SDK2: variants seen among roughly 807,000 people sequenced by gnomAD.
SDK2 encodes sidekick cell adhesion molecule 2, also known as protein sidekick-2.
Under a neutral mutation model 253.9 loss-of-function variants are expected in SDK2, and 105 were observed. That is an observed-to-expected ratio of 0.41 (90% CI 0.35 to 0.49). The LOEUF (loss-of-function observed/expected upper bound fraction) is 0.49, where lower values mean the gene tolerates loss of function less well. SDK2 is among the 20% of genes least tolerant of loss of function. The pLI is 0.06. For missense variants in SDK2, 2,608 were observed against 3,003.0 expected (o/e 0.87, Z 3.07); for synonymous variants, 1,249 against 1,234.9 (o/e 1.01, Z -0.24).
In SDK2 at chr17:73,406,541, C is replaced by T. The variant is rs904891380; in HGVS notation, c.2485-4400G>A. On this transcript the variant is annotated intron_variant, in intron 18 of 44. Coordinates refer to ENST00000392650, the MANE Select transcript of SDK2 (RefSeq NM_001144952.2). ...TTGGAATTACAGGCGTGAGCCACCG[C>T]GCCTGGCCTGTACTTGTTTATATTA... is the stretch of plus-strand genomic sequence containing the variant. Among the ~76,000 whole-genome samples, 6 of 151,862 alleles carry T rather than the reference C, an allele frequency of 4.0e-5. 1 individual carries two copies. The South Asian group carries it at 1.3e-3, about 32-fold the overall frequency.
chr17:73,390,182 A>G, intron 29 of SDK2, 105 bp downstream of exon 29: 5 of 970,552 alleles, frequency 5.2e-6, no homozygotes, highest in Middle Eastern at 2.8e-4. Flanking sequence ...ATTCTCATCC[A>G]GGGCACTGCA....
intron 12 of SDK2, among the ~76,000 whole-genome samples, chr17:73,426,809 G>C (rs184655752): frequency 6.6e-6 from 1 of 152,098 alleles, no homozygotes; most frequent in East Asian, 1.9e-4. Context: ...TATGGGGGCC[G>C]GGCGCGGTGG....
chr17:73,612,120 C>T lies in SDK2; in HGVS notation c.64+31905G>A, dbSNP rs1455321604. 6.6e-6 allele frequency among the ~76,000 whole-genome samples: 1 copy of T among 152,200 alleles called. No individual in the cohort carries two copies. Among genetic ancestry groups the T allele is most frequent in the Non-Finnish European group, 1.5e-5 (1 of 68,032 alleles). On this transcript the variant is annotated intron_variant, in intron 1 of 44. Coordinates refer to ENST00000392650, the MANE Select transcript of SDK2 (RefSeq NM_001144952.2). The surrounding 1 kb of genome is among the most constrained non-coding windows in gnomAD (Gnocchi z 4.4). The stretch of plus-strand genomic sequence containing the variant: ...TTAGTTTGCAAACGCATTGAGAACT[C>T]GTTATGAAAATAAACAGCAATTCCT...
At chr17:73,506,218 G>A (rs1439314581) in intron 2 of SDK2, among the ~76,000 whole-genome samples, 1 of 152,218 alleles carries the variant, frequency 6.6e-6, no homozygotes, top group Non-Finnish European at 1.5e-5. Flanking sequence ...TGGTGGCCAG[G>A]AGAGGCTCTG....
intron 1 of SDK2, among the ~76,000 whole-genome samples, chr17:73,600,968 C>T (rs2045829739): frequency 6.6e-6 from 1 of 152,058 alleles, no homozygotes; most frequent in Non-Finnish European, 1.5e-5. Flanking sequence ...AGAGAGGCCT[C>T]AGGGCCTTTG....
intron 4 of SDK2, among the ~76,000 whole-genome samples, chr17:73,449,254 G>A (rs920345862): frequency 3.9e-5 from 6 of 152,158 alleles, no homozygotes; most frequent in Admixed American, 2.0e-4. Context: ...GACAAACAAA[G>A]CCATTAGTTT....
intron 28 of SDK2, among the ~76,000 whole-genome samples, chr17:73,390,712 GTC>G (rs1210137142): frequency 6.6e-6 from 1 of 152,194 alleles, no homozygotes; most frequent in Non-Finnish European, 1.5e-5. Context: ...TATGCACAGT[GTC>G]TGTGACCCCC....
intron 2 of SDK2, among the ~76,000 whole-genome samples, chr17:73,507,007 C>T (rs187873250): frequency 6.6e-6 from 1 of 152,354 alleles, no homozygotes; most frequent in Admixed American, 6.5e-5. Flanking sequence ...GAAGATGTCC[C>T]CTCCTTCACT....
chr17:73,510,488 G>C (rs1021276943), intron 1 of SDK2, among the ~76,000 whole-genome samples: 6 of 152,090 alleles, frequency 3.9e-5, no homozygotes, highest in African/African-American at 1.4e-4. Context: ...CTCTACGTCT[G>C]TCTGACTGCT....
intron 1 of SDK2, among the ~76,000 whole-genome samples, chr17:73,569,248 A>G (rs1239086440): frequency 2.1e-5 from 3 of 144,146 alleles, no homozygotes; most frequent in African/African-American, 7.8e-5. Context: ...CCCAGGCTGG[A>G]GGGCAATGGC....
rs1348053596 is a variant in SDK2, at chr17:73,398,164, G to A, written c.3225C>T (p.Asn1075=). ...GACTGGGGGGGCTGGTGCCCACGATGTTCACCTGGCGCATGCGGAAGCTGG... is the reference window on the plus strand; with the variant it reads ...GACTGGGGGGGCTGGTGCCCACGATATTCACCTGGCGCATGCGGAAGCTGG... ...TCYSFRMRQV[N]IVGTSPPSQP... is the part of the protein sequence containing the mutation. The change falls in exon 24 of 45, where the codon AAC becomes AAT. Residue 1075 remains asparagine, a synonymous_variant. Coordinates refer to ENST00000392650, the MANE Select transcript of SDK2 (RefSeq NM_001144952.2). 1 of 1,613,292 alleles carries A rather than the reference G, an allele frequency of 6.2e-7. No homozygotes were observed. Among genetic ancestry groups the A allele is most frequent in the Admixed American group, 1.7e-5 (1 of 59,930 alleles).
intron 12 of SDK2, 92 bp downstream of exon 12, chr17:73,430,419 T>C: frequency 1.1e-6 from 1 of 951,816 alleles, no homozygotes; most frequent in Non-Finnish European, 1.6e-6. Context: ...TCTGCAGCTG[T>C]TACCTCCCTA....
chr17:73,590,005 C>T (rs150048202), intron 1 of SDK2, among the ~76,000 whole-genome samples: 12 of 152,364 alleles, frequency 7.9e-5, no homozygotes, highest in Admixed American at 2.0e-4. Context: ...CTCCTTCCCA[C>T]GGCCAGAGGG....
chr17:73,463,615 T>G (rs1404666048), intron 3 of SDK2, among the ~76,000 whole-genome samples: 3 of 152,160 alleles, frequency 2.0e-5, no homozygotes, highest in African/African-American at 7.2e-5. Flanking sequence ...TACCTAGAGA[T>G]GCAAACTTAC....
chr17:73,618,770 G>A lies in SDK2; in HGVS notation c.64+25255C>T, dbSNP rs1452520449. Among the ~76,000 whole-genome samples the A allele has an allele frequency of 1.3e-5, 2 of 152,182 alleles. No homozygotes were observed. Among genetic ancestry groups the A allele is most frequent in the Non-Finnish European group, 2.9e-5 (2 of 68,036 alleles). ...GGAAAGCAATGCCAGGAATAAAGGCGATGGACAGGTGGAGGGTCTGTGTCT... is the reference window on the plus strand; with the variant it reads ...GGAAAGCAATGCCAGGAATAAAGGCAATGGACAGGTGGAGGGTCTGTGTCT... On this transcript the variant is annotated intron_variant, in intron 1 of 44. Transcript: ENST00000392650. The surrounding 1 kb of genome is among the most constrained non-coding windows in gnomAD (Gnocchi z 4.1).
At chr17:73,339,002 G>T in intron 44 of SDK2, 62 bp from the exon 45 acceptor site, 1 of 1,433,368 alleles carries the variant, frequency 7.0e-7, no homozygotes, top group Non-Finnish European at 9.8e-7. Flanking sequence ...TTGTGGTTGG[G>T]GCCGGAAGGC....
chr17:73,507,355 C>T, intron 2 of SDK2, 83 bp downstream of exon 2: 1 of 1,419,090 alleles, frequency 7.0e-7, no homozygotes, highest in Non-Finnish European at 9.5e-7. Context: ...CACTGTCACA[C>T]AAACCCCCTC....
In SDK2 at chr17:73,581,330, C is replaced by T. The variant is rs1210418455; in HGVS notation, c.64+62695G>A. ...CCAGTCCCATGCCCAAAGTAGGAAACGCTCCAGGTCAGCTCCCCTTAAACT... is the reference window on the plus strand; with the variant it reads ...CCAGTCCCATGCCCAAAGTAGGAAATGCTCCAGGTCAGCTCCCCTTAAACT... On this transcript the variant is annotated intron_variant, in intron 1 of 44. Transcript: ENST00000392650. Among the ~76,000 whole-genome samples, 7 of 152,304 alleles carry T rather than the reference C, an allele frequency of 4.6e-5. No homozygotes were observed. The East Asian group carries it at 9.6e-4, about 21-fold the overall frequency.
chr17:73,513,948 C>T (rs1482862047), intron 1 of SDK2, among the ~76,000 whole-genome samples: 1 of 152,134 alleles, frequency 6.6e-6, no homozygotes. Context: ...AAAAATGGAT[C>T]CCAGTGACAC....
Sources: gnomAD v4.1 joint callset for allele counts (sites outside exome capture counted in the v4.1 genomes callset) on GRCh38, gnomAD v4.1.1 for gene constraint, Gnocchi (gnomAD v3.1) non-coding constraint, MANE v1.5 for transcripts, NCBI Gene and HGNC (gene_info 2026-07-23, HGNC 2026-07-21) for gene names.